RFX7: variants seen among roughly 807,000 people sequenced by gnomAD.
RFX7 encodes the protein DNA-binding protein RFX7.
In RFX7, 26 loss-of-function variants were observed where a neutral mutation model predicts 111.8. The observed-to-expected ratio is 0.23, with a 90% CI of 0.17 to 0.32. The LOEUF (loss-of-function observed/expected upper bound fraction) is 0.32, where lower values mean the gene tolerates loss of function less well. Among genes scored for constraint, RFX7 ranks in the 10% least tolerant of loss-of-function variants. RFX7 has a pLI of 1.00. For synonymous variants in RFX7, 624 were observed against 624.4 expected (o/e 1.00, Z 0.01); for missense variants, 1,573 against 1,772.9 (o/e 0.89, Z 2.02).
In RFX7 at chr15:56,126,927, C is replaced by G. The variant is rs1182787439; in HGVS notation, c.401+15851G>C. On this transcript the variant is annotated intron_variant, in intron 5 of 9. Transcript: ENST00000559447. ...AATAACAGTCAGAGACTTCAATGCT[C>G]CAATTCAATAATGAATAGAAATAAG... 5.9e-5 allele frequency among the ~76,000 whole-genome samples: 9 copies of G among 152,162 alleles called. No individual in the cohort carries two copies. In the East Asian group the frequency reaches 1.7e-3, roughly 29 times the overall value.
chr15:56,128,773 T>C (rs1205524577), intron 5 of RFX7, among the ~76,000 whole-genome samples: 1 of 152,076 alleles, frequency 6.6e-6, no homozygotes, highest in African/African-American at 2.4e-5. Flanking sequence ...GGTAAAATTA[T>C]CTCTATTTTC....
intron 3 of RFX7, among the ~76,000 whole-genome samples, chr15:56,173,267 G>T (rs1327127718): frequency 1.3e-5 from 2 of 152,154 alleles, no homozygotes; most frequent in African/African-American, 4.8e-5. Flanking sequence ...AGCTACCAGG[G>T]ATCTACAAGT....
rs571456764 is a variant in RFX7 at position 56,243,785 on chromosome 15, ACGCCGC to A, written c.-349_-344del. On this transcript the variant is annotated 5_prime_UTR_variant, in exon 1 of 10. Transcript: ENST00000559447. ...CAGGCACCGCTCCACGCCACTCCCC[ACGCCGC>A]CGCCGCCGCCGCCGCTCGCTCCCGG... Among the ~76,000 whole-genome samples the A allele has an allele frequency of 8.1e-5, 12 of 147,472 alleles. No individual in the cohort carries two copies. The highest frequency in any genetic ancestry group is 2.0e-4 in the East Asian group (1 of 5,064).
intron 2 of RFX7, among the ~76,000 whole-genome samples, chr15:56,227,433 A>G (rs956182798): frequency 1.3e-5 from 2 of 152,046 alleles, no homozygotes; most frequent in South Asian, 2.1e-4. Flanking sequence ...TGTTGTTTCC[A>G]TTTCTCTTTT....
chr15:56,158,503 A>T (rs530465479), intron 3 of RFX7, among the ~76,000 whole-genome samples: 20 of 151,712 alleles, frequency 1.3e-4, no homozygotes, highest in South Asian at 8.3e-4. Context: ...GTAGAAAAAA[A>T]TTTTTTTTTA....
chr15:56,215,910 C>T (rs2043358923), intron 2 of RFX7, among the ~76,000 whole-genome samples: 3 of 152,150 alleles, frequency 2.0e-5, no homozygotes, highest in Admixed American at 2.0e-4. Context: ...GGATCACTCA[C>T]ACTGCAGGAG....
Position 56,130,716 on chromosome 15 carries a change from T to G in RFX7, c.401+12062A>C, listed in dbSNP as rs117211833. Among the ~76,000 whole-genome samples the G allele has an allele frequency of 6.9e-4, 105 of 151,556 alleles. 3 individuals carry two copies. In the East Asian group the frequency reaches 0.02, roughly 29 times the overall value. On this transcript the variant is annotated intron_variant, in intron 5 of 9. Coordinates refer to ENST00000559447, the MANE Select transcript of RFX7 (RefSeq NM_022841.7). ...AAAAAAGACAAGAAAATAAAACATA[T>G]CAGATTTTACTTGTCTAAAAAAGAA...
chr15:56,134,612 T>TA (rs1491472926), intron 5 of RFX7, among the ~76,000 whole-genome samples: 1 of 57,764 alleles, frequency 1.7e-5, no homozygotes, highest in African/African-American at 5.5e-5. Flanking sequence ...TTTTTTTTTT[T>TA]ACTTTCTTTT....
At chr15:56,212,243 A>C (rs1342459835) in intron 2 of RFX7, among the ~76,000 whole-genome samples, 5 of 152,136 alleles carry the variant, frequency 3.3e-5, no homozygotes, top group East Asian at 1.9e-4. Flanking sequence ...TAAGTGAAAG[A>C]AGCAAATATA....
intron 2 of RFX7, among the ~76,000 whole-genome samples, chr15:56,201,303 C>A (rs185199713): frequency 1.3e-5 from 2 of 152,212 alleles, no homozygotes; most frequent in East Asian, 3.9e-4. Flanking sequence ...CCACTTAAAC[C>A]CAAGAATCAC....
chr15:56,155,090 C>T (rs987725224), intron 3 of RFX7, among the ~76,000 whole-genome samples: 13 of 152,270 alleles, frequency 8.5e-5, no homozygotes, highest in Admixed American at 2.0e-4. Context: ...CATCTCACGG[C>T]AGTTAGAATG....
intron 2 of RFX7, among the ~76,000 whole-genome samples, chr15:56,224,920 A>G (rs1162129703): frequency 6.6e-6 from 1 of 152,120 alleles, no homozygotes; most frequent in Admixed American, 6.6e-5. Flanking sequence ...CTGCCTGTTT[A>G]AACAGCTAAC....
intron 3 of RFX7, among the ~76,000 whole-genome samples, chr15:56,171,226 T>C (rs2042841923): frequency 6.6e-6 from 1 of 152,170 alleles, no homozygotes; most frequent in Non-Finnish European, 1.5e-5. Flanking sequence ...TCTAGGTTTT[T>C]AGGTTACATG....
rs1410480138 is a variant in RFX7 at position 56,093,329 on chromosome 15, T to A, written c.*16A>T. The A allele has an allele frequency of 5.7e-6, 9 of 1,585,626 alleles. No homozygotes were observed. On this transcript the variant is annotated 3_prime_UTR_variant, in exon 10 of 10. Transcript: ENST00000559447. Reference sequence around the variant, plus strand: ...ATGTCTTTAGATACAGTGTGCTACATGTTATAAAACACAATTTAACCCAAC... The same window carrying A: ...ATGTCTTTAGATACAGTGTGCTACAAGTTATAAAACACAATTTAACCCAAC...
chr15:56,170,387 T>G (rs1367460275), intron 3 of RFX7, among the ~76,000 whole-genome samples: 1 of 151,816 alleles, frequency 6.6e-6, no homozygotes. Context: ...TAGAATAGAG[T>G]TTCTTAACCT....
At chr15:56,186,702 C>A (rs1204543427) in intron 2 of RFX7, among the ~76,000 whole-genome samples, 1 of 150,640 alleles carries the variant, frequency 6.6e-6, no homozygotes, top group African/African-American at 2.4e-5. Context: ...ACACACATAT[C>A]TATACATATA....
Position 56,094,329 on chromosome 15 carries a change from A to G in RFX7, c.3399T>C (p.Thr1133=). 1 of 1,614,018 alleles carries G rather than the reference A, an allele frequency of 6.2e-7. No homozygotes were observed. The highest frequency in any genetic ancestry group is 1.1e-5 in the South Asian group (1 of 91,084). Reference sequence around the variant, plus strand: ...CCTCCTGTTTGTTGGTGTTATTTACAGTGGCACCTTGATGCTGCACAGGAG... The same window carrying G: ...CCTCCTGTTTGTTGGTGTTATTTACGGTGGCACCTTGATGCTGCACAGGAG... The part of the protein sequence containing the change: ...PVSPVQHQGA[T]VNNTNKQEGF... The change falls in exon 10 of 10, where the codon ACT becomes ACC. Residue 1133 remains threonine (T), a synonymous_variant. Transcript: ENST00000559447.
At chr15:56,147,659 C>T (rs112644236) in intron 3 of RFX7, among the ~76,000 whole-genome samples, 336 of 152,078 alleles carry the variant, frequency 2.2e-3, no homozygotes, top group Middle Eastern at 3.4e-3. Flanking sequence ...CTGCAAGCTC[C>T]GCCCCCCGGG....
intron 2 of RFX7, among the ~76,000 whole-genome samples, chr15:56,224,485 G>GTA (rs1247976995): frequency 1.3e-5 from 2 of 151,670 alleles, no homozygotes; most frequent in South Asian, 4.2e-4. Flanking sequence ...GTGTGTGTGT[G>GTA]TGTGTGTGTG....
Sources: allele counts gnomAD v4.1 joint callset (sites outside exome capture counted in the v4.1 genomes callset), GRCh38; gene constraint gnomAD v4.1.1; transcripts MANE v1.5; gene names NCBI Gene and HGNC (gene_info 2026-07-23, HGNC 2026-07-21).